Variants in ZNRF2 observed in about 807,000 individuals in gnomAD.
ZNRF2 encodes zinc and ring finger 2.
A neutral mutation model predicts 20.4 loss-of-function variants in ZNRF2; 16 were observed. The observed-to-expected ratio is 0.79, with a 90% CI of 0.53 to 1.19. ZNRF2 has a LOEUF of 1.19. ZNRF2 is among the 50% of genes most tolerant of loss of function. The pLI, the probability that ZNRF2 is intolerant of heterozygous loss-of-function variation, is 0.00. For missense variants in ZNRF2, 363 were observed against 332.4 expected (o/e 1.09, Z -0.72); for synonymous variants, 178 against 144.9 (o/e 1.23, Z -1.64).
chr7:30,320,243 TAGAG>T (rs1562611787), intron 1 of ZNRF2, among the ~76,000 whole-genome samples: 1 of 152,074 alleles, frequency 6.6e-6, no homozygotes. Flanking sequence ...TATATATACA[TAGAG>T]AAATTTCTCT....
At chr7:30,337,452 G>A (rs1799733255) in intron 2 of ZNRF2, among the ~76,000 whole-genome samples, 1 of 152,018 alleles carries the variant, frequency 6.6e-6, no homozygotes, top group South Asian at 2.1e-4. Context: ...TTTTGTATCA[G>A]TTCCTTAAGG....
At chr7:30,296,763 A>AT (rs1799026126) in intron 1 of ZNRF2, among the ~76,000 whole-genome samples, 3 of 152,222 alleles carry the variant, frequency 2.0e-5, no homozygotes, top group African/African-American at 7.2e-5. Context: ...AAATAACTAA[A>AT]ATTAAGAATA....
chr7:30,347,374 G>A (rs1400214981), intron 2 of ZNRF2, among the ~76,000 whole-genome samples: 3 of 152,116 alleles, frequency 2.0e-5, no homozygotes, highest in Admixed American at 2.0e-4. Context: ...TCCCAACTCT[G>A]GCTTCTTTCT....
intron 1 of ZNRF2, among the ~76,000 whole-genome samples, chr7:30,293,250 T>C (rs949023164): frequency 7.4e-6 from 1 of 135,718 alleles, no homozygotes; most frequent in Admixed American, 7.1e-5. Context: ...ATTTTTACAT[T>C]TTTTTTTTTT....
Position 30,285,761 on chromosome 7 carries a change from G to A in ZNRF2, c.404G>A (p.Ser135Asn), listed in dbSNP as rs767733858. The stretch of plus-strand genomic sequence containing the variant: ...GGCCGGGACCGGCCGGTGGGCGGGA[G>A]CCCCGGCGGGCCGCGCCTGGTGATC... ...GGGRDRPVGG[S>N]PGGPRLVIGS... is the part of the protein sequence containing the mutation. The change falls in exon 1 of 5, where the codon AGC (serine) becomes AAC (asparagine). Residue 135 changes from serine (S) to asparagine (N), a missense_variant. Physicochemically the swap from Ser to Asn is conservative, Grantham distance 46. Around this residue, in one of 2 missense-constraint regions of ZNRF2, gnomAD observed 302 missense variants for 231.5 expected, o/e 1.30. Transcript: ENST00000323037. 3 of 1,483,886 alleles carry A rather than the reference G, an allele frequency of 2.0e-6. No individual in the cohort carries two copies. Among genetic ancestry groups the A allele is most frequent in the African/African-American group, 1.5e-5 (1 of 67,360 alleles). The allele number at this position is 1,483,886 out of a possible 1,614,324, so 91.9% of individuals were successfully genotyped here. A position where few individuals can be genotyped will look rare whatever the true frequency, so the allele number is the denominator to read the frequency against.
chr7:30,307,334 T>TTG (rs1554294319), intron 1 of ZNRF2, among the ~76,000 whole-genome samples: 1 of 128,112 alleles, frequency 7.8e-6, no homozygotes, highest in African/African-American at 3.1e-5. Context: ...TTGTTTTTTT[T>TTG]TTTTTTTTTT....
At chr7:30,306,194 T>C (rs1188330273) in intron 1 of ZNRF2, among the ~76,000 whole-genome samples, 1 of 152,210 alleles carries the variant, frequency 6.6e-6, no homozygotes, top group African/African-American at 2.4e-5. Context: ...TAATAAATTC[T>C]CCTATCTGCA....
At chr7:30,311,763 A>G (rs34458739) in intron 1 of ZNRF2, among the ~76,000 whole-genome samples, 18,128 of 152,142 alleles carry the variant, frequency 0.12, 2,922 homozygotes, top group African/African-American at 0.37. Flanking sequence ...AATACTGGTA[A>G]CACTGAGTCC....
Position 30,297,609 on chromosome 7 carries a change from A to G in ZNRF2, c.469+11783A>G, listed in dbSNP as rs183401478. Among the ~76,000 whole-genome samples the G allele has an allele frequency of 1.7e-3, 259 of 152,322 alleles. 1 individual carries two copies. Among genetic ancestry groups the G allele is most frequent in the African/African-American group, 5.9e-3 (244 of 41,564 alleles). On this transcript the variant is annotated intron_variant, in intron 1 of 4. Coordinates refer to ENST00000323037, the MANE Select transcript of ZNRF2 (RefSeq NM_147128.4). ...GGCTTCTAGTGTTGCTGTTGAGCAC[A>G]TAGATGTCATTATGGTTTTTGATCC...
chr7:30,286,270 A>G (rs115859279), intron 1 of ZNRF2, among the ~76,000 whole-genome samples: 206 of 152,288 alleles, frequency 1.4e-3, no homozygotes, highest in African/African-American at 4.7e-3. Context: ...TCAAATGAAC[A>G]CTGAGTTACC....
At chr7:30,299,176 C>T (rs1222940972) in intron 1 of ZNRF2, among the ~76,000 whole-genome samples, 4 of 151,940 alleles carry the variant, frequency 2.6e-5, no homozygotes, top group Admixed American at 2.0e-4. Flanking sequence ...GCCTGTAATC[C>T]CAGCACTTTG....
chr7:30,358,216 G>A (rs539441754), intron 3 of ZNRF2, among the ~76,000 whole-genome samples: 1 of 152,192 alleles, frequency 6.6e-6, no homozygotes, highest in East Asian at 1.9e-4. Context: ...GAGTTCAGCA[G>A]GGTTGCCAGA....
At chr7:30,313,810 C>T (rs1436514073) in intron 1 of ZNRF2, among the ~76,000 whole-genome samples, 1 of 152,326 alleles carries the variant, frequency 6.6e-6, no homozygotes, top group South Asian at 2.1e-4. Context: ...CACTACCTTC[C>T]TCCCCCAGTG....
intron 1 of ZNRF2, among the ~76,000 whole-genome samples, chr7:30,315,948 CTTCA>C (rs1444680044): frequency 6.6e-6 from 1 of 152,102 alleles, no homozygotes. Flanking sequence ...CTTAAAATTG[CTTCA>C]TTCATGTTCT....
chr7:30,346,467 G>A (rs1799881422), intron 2 of ZNRF2, among the ~76,000 whole-genome samples: 1 of 151,940 alleles, frequency 6.6e-6, no homozygotes, highest in Admixed American at 6.6e-5. Context: ...AGGATTATAG[G>A]CATGAGCCAC....
intron 1 of ZNRF2, among the ~76,000 whole-genome samples, chr7:30,301,974 C>T (rs964304430): frequency 1.3e-5 from 2 of 152,148 alleles, no homozygotes; most frequent in Non-Finnish European, 2.9e-5. Context: ...CTGTCCGCTT[C>T]ACTCCCTGGT....
At chr7:30,317,235 C>G (rs934599180) in intron 1 of ZNRF2, among the ~76,000 whole-genome samples, 1 of 152,066 alleles carries the variant, frequency 6.6e-6, no homozygotes, top group African/African-American at 2.4e-5. Context: ...TAGCTGGGTG[C>G]TTGGACAGAG....
chr7:30,289,028 C>T (rs969280284), intron 1 of ZNRF2: 1 of 152,088 alleles, frequency 6.6e-6, no homozygotes, highest in Non-Finnish European at 1.5e-5. Flanking sequence ...TATACCAATA[C>T]ATGGAGATTA....
At chr7:30,291,733 C>G (rs1295531685) in intron 1 of ZNRF2, among the ~76,000 whole-genome samples, 1 of 152,132 alleles carries the variant, frequency 6.6e-6, no homozygotes, top group South Asian at 2.1e-4. Flanking sequence ...AAACATGAGT[C>G]TCTAATTCAG....
Sources: allele counts gnomAD v4.1 joint callset (sites outside exome capture counted in the v4.1 genomes callset), GRCh38; gene constraint gnomAD v4.1.1; regional missense constraint gnomAD v4.1.1; transcripts MANE v1.5; gene names NCBI Gene and HGNC (gene_info 2026-07-23, HGNC 2026-07-21).